The following NFIA variants were observed in gnomAD, a reference collection of about 807,000 sequenced individuals.
NFIA encodes nuclear factor I A, also known as nuclear factor 1 A-type.
A neutral mutation model predicts 62.8 loss-of-function variants in NFIA; 8 were observed. That is an observed-to-expected ratio of 0.13 (90% CI 0.07 to 0.23). NFIA has a LOEUF of 0.23. Ranked by LOEUF, NFIA falls within the 10% of genes least tolerant of loss-of-function variation. The pLI is 1.00. For synonymous variants in NFIA, 235 were observed against 238.1 expected, an observed-to-expected ratio of 0.99 and a Z score of 0.12; for missense variants, 410 against 642.1, an observed-to-expected ratio of 0.64 and a Z score of 3.91.
At chr1:61,197,333 G>T (rs1330490902) in intron 2 of NFIA, among the ~76,000 whole-genome samples, 1 of 149,538 alleles carries the variant, frequency 6.7e-6, no homozygotes, top group Non-Finnish European at 1.5e-5. Context: ...TTGCCTCCTG[G>T]GTTCAAGCGA....
chr1:61,401,387 G>C (rs1475145969), intron 7 of NFIA, among the ~76,000 whole-genome samples: 1 of 152,094 alleles, frequency 6.6e-6, no homozygotes, highest in Non-Finnish European at 1.5e-5. Context: ...AAAAAACGAA[G>C]GTCTAAATTT....
intron 9 of NFIA, among the ~76,000 whole-genome samples, chr1:61,408,734 G>A (rs1665966688): frequency 6.6e-6 from 1 of 152,192 alleles, no homozygotes; most frequent in Non-Finnish European, 1.5e-5. Flanking sequence ...AAGGATGGGG[G>A]CTCAAATGCC....
chr1:61,091,849 G>GTT (rs549619372), intron 2 of NFIA, among the ~76,000 whole-genome samples: 3 of 142,074 alleles, frequency 2.1e-5, no homozygotes, highest in South Asian at 2.2e-4. Context: ...GAGAGTTGTT[G>GTT]TTTTTTTTTT....
chr1:61,197,512 C>T (rs973474729), intron 2 of NFIA, among the ~76,000 whole-genome samples: 19 of 151,192 alleles, frequency 1.3e-4, no homozygotes, highest in African/African-American at 4.1e-4. Context: ...GCTGGGATTA[C>T]AAGCGTGAGC....
At chr1:61,399,183 CTGTT>C (rs761627747) in intron 7 of NFIA, among the ~76,000 whole-genome samples, 12 of 152,104 alleles carry the variant, frequency 7.9e-5, no homozygotes, top group Non-Finnish European at 1.5e-4. Context: ...CAGAGAAAAA[CTGTT>C]TGGAATCTCA....
intron 2 of NFIA, among the ~76,000 whole-genome samples, chr1:61,259,651 C>T (rs183701862): frequency 1.3e-5 from 2 of 152,274 alleles, no homozygotes; most frequent in African/African-American, 2.4e-5. Context: ...AAATTTAAGA[C>T]GGAGATCTGT....
chr1:61,375,124 A>G (rs866156038), intron 6 of NFIA, among the ~76,000 whole-genome samples: 4 of 152,196 alleles, frequency 2.6e-5, no homozygotes, highest in Admixed American at 2.0e-4. Context: ...TCTAATTACA[A>G]GGTATACTTT....
chr1:61,100,986 C>T (rs1039675168), intron 2 of NFIA, among the ~76,000 whole-genome samples: 25 of 150,518 alleles, frequency 1.7e-4, no homozygotes, highest in African/African-American at 5.9e-4. Context: ...GGAATTCTAT[C>T]GTTTGACTAT....
chr1:61,210,658 A>G (rs1235602852), intron 2 of NFIA, among the ~76,000 whole-genome samples: 1 of 152,204 alleles, frequency 6.6e-6, no homozygotes, highest in Non-Finnish European at 1.5e-5. Flanking sequence ...TTATTGGACA[A>G]AGACTGGAAG....
chr1:61,234,664 T>C (rs1378467734), intron 2 of NFIA, among the ~76,000 whole-genome samples: 1 of 151,962 alleles, frequency 6.6e-6, no homozygotes, highest in African/African-American at 2.4e-5. Flanking sequence ...TTAACTACTT[T>C]AGGCAAAAAA....
intron 3 of NFIA, among the ~76,000 whole-genome samples, chr1:61,313,563 T>C (rs1395751260): frequency 6.6e-6 from 1 of 152,130 alleles, no homozygotes; most frequent in East Asian, 1.9e-4. Flanking sequence ...CAGGCCACAC[T>C]TCCAATATTG....
intron 3 of NFIA, among the ~76,000 whole-genome samples, chr1:61,312,481 T>C (rs1283559900): frequency 6.6e-6 from 1 of 152,074 alleles, no homozygotes; most frequent in African/African-American, 2.4e-5. Flanking sequence ...TTCTCCCCAA[T>C]GTTGTGACTT....
intron 10 of NFIA, among the ~76,000 whole-genome samples, chr1:61,428,452 A>G (rs1023456842): frequency 7.1e-6 from 1 of 140,158 alleles, no homozygotes; most frequent in Non-Finnish European, 1.5e-5. Context: ...AATGTTTCTT[A>G]CCATAGTGAC....
intron 2 of NFIA, among the ~76,000 whole-genome samples, chr1:61,256,596 G>C (rs1570463377): frequency 6.6e-6 from 1 of 152,274 alleles, no homozygotes; most frequent in South Asian, 2.1e-4. Context: ...AAACCAGAAA[G>C]TGAGAATTTT....
intron 3 of NFIA, among the ~76,000 whole-genome samples, chr1:61,285,155 GT>G (rs971603597): frequency 7.9e-4 from 121 of 152,262 alleles, no homozygotes; most frequent in African/African-American, 2.7e-3. Flanking sequence ...CCATTGCTCT[GT>G]TTTCCCTGTG....
chr1:61,101,870 T>C (rs955758718), intron 2 of NFIA, among the ~76,000 whole-genome samples: 8 of 152,136 alleles, frequency 5.3e-5, no homozygotes, highest in African/African-American at 1.7e-4. Flanking sequence ...AATGGGACAA[T>C]GTGTGTGGAT....
intron 4 of NFIA, among the ~76,000 whole-genome samples, chr1:61,350,492 C>G (rs972507739): frequency 6.6e-6 from 1 of 152,030 alleles, no homozygotes; most frequent in Non-Finnish European, 1.5e-5. Flanking sequence ...AAAAATTAGC[C>G]GGGTGTGGCG....
intron 2 of NFIA, among the ~76,000 whole-genome samples, chr1:61,146,832 GT>G (rs10713898): frequency 0.88 from 133,794 of 151,862 alleles, 59,240 homozygotes; most frequent in Non-Finnish European, 0.92. Context: ...ATCTTTCATA[GT>G]TTTTTTTTTA....
chr1:61,449,006 G>C (rs767151011), intron 10 of NFIA, among the ~76,000 whole-genome samples: 6 of 152,188 alleles, frequency 3.9e-5, no homozygotes, highest in Non-Finnish European at 8.8e-5. Context: ...TGAACCAAAC[G>C]GAGGTCTTGG....
Sources: allele counts gnomAD v4.1 joint callset (sites outside exome capture counted in the v4.1 genomes callset), GRCh38; gene constraint gnomAD v4.1.1; transcripts MANE v1.5; gene names NCBI Gene and HGNC (gene_info 2026-07-23, HGNC 2026-07-21).